XPO7: variants seen among roughly 807,000 people sequenced by gnomAD.
The protein encoded by XPO7 is exportin 7.
XPO7 carries 21 observed loss-of-function variants against 144.3 expected under a neutral mutation model. The observed-to-expected ratio is 0.15, with a 90% confidence interval of 0.10 to 0.21. XPO7 has a LOEUF of 0.21. Ranked by LOEUF, XPO7 falls within the 10% of genes least tolerant of loss-of-function variation. The pLI is 1.00. For missense variants in XPO7, 808 were observed against 1,325.8 expected (o/e 0.61, Z 6.06); for synonymous variants, 580 against 499.6 (o/e 1.16, Z -2.15).
At chr8:21,961,865 G>A (rs904397626) in intron 1 of XPO7, among the ~76,000 whole-genome samples, 2 of 152,102 alleles carry the variant, frequency 1.3e-5, no homozygotes, top group Admixed American at 6.5e-5. Context: ...GTTTCATCAC[G>A]TCGGCCATGC....
In XPO7 at chr8:21,946,328, AAAC is replaced by A. The variant is rs530290196; in HGVS notation, c.19-20523_19-20521del. ...TAAGCAACCAAAAAGTGACCGTCAA[AAAC>A]AACAAGGCATACTTGAAAAATAATC... On this transcript the variant is annotated intron_variant, in intron 1 of 27. Transcript: ENST00000252512. Among the ~76,000 whole-genome samples the A allele has an allele frequency of 4.0e-3, 608 of 152,346 alleles. 4 individuals are homozygous for A. Among genetic ancestry groups the A allele is most frequent in the Non-Finnish European group, 5.8e-3 (394 of 68,038 alleles).
At chr8:22,003,660 A>G (rs1813228731) in intron 26 of XPO7, among the ~76,000 whole-genome samples, 1 of 152,236 alleles carries the variant, frequency 6.6e-6, no homozygotes, top group South Asian at 2.1e-4. Flanking sequence ...TTCTGGTAAA[A>G]GAAAGGTCTG....
intron 1 of XPO7, among the ~76,000 whole-genome samples, chr8:21,954,547 T>C (rs1369493024): frequency 2.0e-5 from 3 of 152,088 alleles, no homozygotes; most frequent in East Asian, 3.9e-4. Context: ...GGCAGGAGAA[T>C]CGCTTGAACC....
Position 21,993,201 on chromosome 8 carries a change from A to C in XPO7, c.2149-1162A>C, listed in dbSNP as rs144118944. ...GGATTTAGGGATATCAGTGAATATC[A>C]GCCCTTTTTCCCATTATATGGTATT... On this transcript the variant is annotated intron_variant, in intron 19 of 27. Transcript: ENST00000252512. Among the ~76,000 whole-genome samples, 29 of 152,350 alleles carry C rather than the reference A, an allele frequency of 1.9e-4. No individual in the cohort carries two copies. In the East Asian group the frequency reaches 5.6e-3, roughly 29 times the overall value.
chr8:21,981,695 A>C, intron 9 of XPO7, 36 bp from the exon 10 acceptor site: 1 of 1,611,420 alleles, frequency 6.2e-7, no homozygotes, highest in Non-Finnish European at 8.5e-7. Flanking sequence ...GTTAAGGCAC[A>C]TTTTACATTT....
At chr8:21,972,081 A>T in intron 5 of XPO7, 140 bp downstream of exon 5, 2 of 701,158 alleles carry the variant, frequency 2.9e-6, no homozygotes. Context: ...GAAACAAAAT[A>T]GTTCCATTGG....
intron 4 of XPO7, 77 bp from the exon 5 acceptor site, chr8:21,971,799 G>T: frequency 1.7e-6 from 2 of 1,173,564 alleles, no homozygotes; most frequent in South Asian, 3.1e-5. Flanking sequence ...CCCGTCATTC[G>T]AAAGTATGAG....
chr8:21,978,922 TCTC>T (rs1812313181), intron 8 of XPO7, among the ~76,000 whole-genome samples: 1 of 152,094 alleles, frequency 6.6e-6, no homozygotes, highest in Admixed American at 6.5e-5. Flanking sequence ...GCTTGGCTGC[TCTC>T]CTCAACAGAG....
chr8:21,999,482 C>T, intron 23 of XPO7, 54 bp from the exon 24 acceptor site: 1 of 1,605,706 alleles, frequency 6.2e-7, no homozygotes, highest in Non-Finnish European at 8.5e-7. Flanking sequence ...CGTCTCCCTG[C>T]ATGCTGGAGT....
intron 1 of XPO7, chr8:21,966,285 C>T (rs1335371512): frequency 3.8e-6 from 3 of 780,410 alleles, no homozygotes; most frequent in Non-Finnish European, 7.2e-6. Context: ...GTCTGCTGAA[C>T]TTTAGACATG....
chr8:21,958,202 A>G (rs1811602597), intron 1 of XPO7, among the ~76,000 whole-genome samples: 1 of 152,186 alleles, frequency 6.6e-6, no homozygotes. Flanking sequence ...GGTGCCAGAA[A>G]TAAAACTGAT....
At chr8:21,963,548 A>T (rs562833240) in intron 1 of XPO7, among the ~76,000 whole-genome samples, 1 of 152,276 alleles carries the variant, frequency 6.6e-6, no homozygotes, top group South Asian at 2.1e-4. Context: ...ATAAAAAATT[A>T]GCTGGGCGTG....
At chr8:21,934,483 A>T (rs886501011) in intron 1 of XPO7, among the ~76,000 whole-genome samples, 2 of 152,116 alleles carry the variant, frequency 1.3e-5, no homozygotes, top group Non-Finnish European at 2.9e-5. Flanking sequence ...CGGTGAGCCG[A>T]GATTGCGCCA....
chr8:21,989,195 T>C, intron 16 of XPO7, 112 bp downstream of exon 16: 1 of 978,360 alleles, frequency 1.0e-6, no homozygotes, highest in Non-Finnish European at 1.5e-6. Flanking sequence ...TGTACTCACA[T>C]ATCTTCCATT....
chr8:21,950,469 G>A (rs984135370), intron 1 of XPO7, among the ~76,000 whole-genome samples: 2 of 152,148 alleles, frequency 1.3e-5, no homozygotes, highest in Non-Finnish European at 2.9e-5. Flanking sequence ...AGATTTGTTG[G>A]TGAGGTTATG....
At chr8:21,924,820 A>C (rs1271300098) in intron 1 of XPO7, among the ~76,000 whole-genome samples, 1 of 152,338 alleles carries the variant, frequency 6.6e-6, no homozygotes, top group East Asian at 1.9e-4. Context: ...GACCACGATA[A>C]ATGTTCCTGG....
chr8:21,989,819 T>G (rs1196105506), intron 16 of XPO7, among the ~76,000 whole-genome samples: 1 of 118,180 alleles, frequency 8.5e-6, no homozygotes, highest in African/African-American at 3.1e-5. Context: ...TATAGGTGTT[T>G]CCTTTTTTTT....
At chr8:21,942,164 G>C (rs1036291643) in intron 1 of XPO7, among the ~76,000 whole-genome samples, 2 of 152,130 alleles carry the variant, frequency 1.3e-5, no homozygotes, top group African/African-American at 2.4e-5. Flanking sequence ...TAGATCTTTT[G>C]TAAGTCCTAC....
At chr8:22,002,987 T>C (rs892781494) in intron 25 of XPO7, 5 of 348,534 alleles carry the variant, frequency 1.4e-5, no homozygotes, top group South Asian at 3.9e-5. Flanking sequence ...GAAAGATCCA[T>C]TGGTAAGTGA....
Sources: allele counts gnomAD v4.1 joint callset (sites outside exome capture counted in the v4.1 genomes callset), GRCh38; gene constraint gnomAD v4.1.1; transcripts MANE v1.5; gene names NCBI Gene and HGNC (gene_info 2026-07-23, HGNC 2026-07-21).